The following ITPR1 variants were observed in gnomAD, a reference collection of about 807,000 sequenced individuals.
ITPR1 encodes inositol 1,4,5-trisphosphate-gated calcium channel ITPR1.
A neutral mutation model predicts 318.4 loss-of-function variants in ITPR1; 96 were observed. That is an observed-to-expected ratio of 0.30 (90% CI 0.26 to 0.36). ITPR1 has a LOEUF of 0.36. Among genes scored for constraint, ITPR1 ranks in the 10% least tolerant of loss-of-function variants. The pLI is 1.00. For missense variants in ITPR1, 2,440 were observed against 3,460.2 expected (o/e 0.71, Z 7.40); for synonymous variants, 1,312 against 1,289.9 (o/e 1.02, Z -0.37).
chr3:4,711,963 TGA>T, intron 39 of ITPR1, 95 bp downstream of exon 39: 1 of 547,222 alleles, frequency 1.8e-6, no homozygotes, highest in Non-Finnish European at 3.2e-6. Context: ...CATTACTGAC[TGA>T]GGGGCTAGCT....
chr3:4,702,694 G>C, intron 35 of ITPR1, 136 bp from the exon 36 acceptor site: 1 of 918,080 alleles, frequency 1.1e-6, no homozygotes, highest in Non-Finnish European at 1.7e-6. Context: ...CTTGCCTCAG[G>C]GTCCATTAAC....
chr3:4,732,908 G>A (rs555972189), intron 42 of ITPR1, among the ~76,000 whole-genome samples, 180 bp from the exon 43 acceptor site: 7 of 152,266 alleles, frequency 4.6e-5, no homozygotes, highest in African/African-American at 1.7e-4. Context: ...AAAACATCTG[G>A]TTTTCTGAGA....
At chr3:4,496,969 G>A (rs2080631503) in intron 2 of ITPR1, among the ~76,000 whole-genome samples, 1 of 152,146 alleles carries the variant, frequency 6.6e-6, no homozygotes, top group African/African-American at 2.4e-5. Context: ...TCTCCACAGG[G>A]CCAGTGTCTA....
chr3:4,578,378 C>T (rs963833575), intron 4 of ITPR1, among the ~76,000 whole-genome samples: 5 of 151,902 alleles, frequency 3.3e-5, no homozygotes, highest in African/African-American at 7.3e-5. Context: ...TTCGGTTTGA[C>T]CTGATGGATT....
At chr3:4,713,699 C>G (rs2041550614) in intron 39 of ITPR1, among the ~76,000 whole-genome samples, 2 of 152,194 alleles carry the variant, frequency 1.3e-5, no homozygotes. Context: ...AAGGAGATCA[C>G]TTGGAAAGAG....
At chr3:4,783,464 G>A (rs1437134380) in intron 50 of ITPR1, among the ~76,000 whole-genome samples, 2 of 152,102 alleles carry the variant, frequency 1.3e-5, no homozygotes, top group African/African-American at 4.8e-5. Flanking sequence ...ACAGTCTCCT[G>A]CCTCTTTTCC....
intron 40 of ITPR1, among the ~76,000 whole-genome samples, chr3:4,723,218 C>T (rs559774058): frequency 6.6e-6 from 1 of 152,266 alleles, no homozygotes; most frequent in East Asian, 1.9e-4. Context: ...AGTGGATGCC[C>T]AGAGAGGTTC....
chr3:4,827,218 C>T (rs1306812426), intron 60 of ITPR1, among the ~76,000 whole-genome samples: 1 of 152,196 alleles, frequency 6.6e-6, no homozygotes, highest in Non-Finnish European at 1.5e-5. Context: ...CACCGTGCTG[C>T]CCGGCTTGCC....
At chr3:4,527,911 T>G (rs777282445) in intron 4 of ITPR1, among the ~76,000 whole-genome samples, 1 of 152,136 alleles carries the variant, frequency 6.6e-6, no homozygotes, top group Non-Finnish European at 1.5e-5. Flanking sequence ...GAGAAGGGTT[T>G]TACATCTCAT....
Position 4,755,619 on chromosome 3 carries a change from TC to T in ITPR1, c.5545-10907del, listed in dbSNP as rs1374488414. 2.0e-5 allele frequency among the ~76,000 whole-genome samples: 3 copies of T among 152,238 alleles called. No individual in the cohort carries two copies. In the East Asian group the frequency reaches 5.8e-4, roughly 29 times the overall value. ...TTCACCTTGAAAATCATCATGAAGA[TC>T]CCCTGCCTTGGCCTTGACCCTGGAG... On this transcript the variant is annotated intron_variant, in intron 44 of 61. Transcript: ENST00000649015.
chr3:4,730,402 TG>T lies in ITPR1; in HGVS notation c.5221-2685del, dbSNP rs1559788472. Reference sequence around the variant, plus strand: ...GTGTGTGTGTGTGTGTGTGTGTGTGTGTGTGTGTGTGTGTGTGTTTCCCCCA... The same window carrying T: ...GTGTGTGTGTGTGTGTGTGTGTGTGTTGTGTGTGTGTGTGTGTTTCCCCCA... On this transcript the variant is annotated intron_variant, in intron 42 of 61. Coordinates refer to ENST00000649015, the MANE Select transcript of ITPR1 (RefSeq NM_001378452.1). 4.6e-3 allele frequency among the ~76,000 whole-genome samples: 671 copies of T among 147,014 alleles called. 8 individuals carry two copies. Among genetic ancestry groups the T allele is most frequent in the African/African-American group, 0.015 (610 of 40,356 alleles).
At chr3:4,519,243 C>A (rs1006856859) in intron 3 of ITPR1, among the ~76,000 whole-genome samples, 3 of 149,448 alleles carry the variant, frequency 2.0e-5, no homozygotes, top group African/African-American at 7.4e-5. Context: ...TTTTTTTTTT[C>A]TTGAGATGGA....
In ITPR1 at chr3:4,572,528, TTTTA is replaced by T. The variant is rs549323632; in HGVS notation, c.163+51439_163+51442del. ...TCTGGCTAATTAGGATGCTTCATAT[TTTTA>T]TTTACTAATATCACAAGCATAATAG... On this transcript the variant is annotated intron_variant, in intron 4 of 61. Transcript: ENST00000649015. Among the ~76,000 whole-genome samples, 204 of 152,354 alleles carry T rather than the reference TTTTA, an allele frequency of 1.3e-3. No individual in the cohort carries two copies. The Middle Eastern group carries it at 0.014, about 10-fold the overall frequency.
At chr3:4,579,977 G>C (rs767254514) in intron 4 of ITPR1, among the ~76,000 whole-genome samples, 3 of 152,150 alleles carry the variant, frequency 2.0e-5, no homozygotes, top group African/African-American at 7.2e-5. Flanking sequence ...TTGGGAGGCC[G>C]AGACGGGTGG....
chr3:4,657,613 G>A (rs566502308), intron 12 of ITPR1, among the ~76,000 whole-genome samples: 26 of 151,924 alleles, frequency 1.7e-4, no homozygotes, highest in African/African-American at 5.8e-4. Flanking sequence ...GATTACAGGC[G>A]CCTGCCACCA....
chr3:4,792,222 C>T (rs981761696), intron 52 of ITPR1, among the ~76,000 whole-genome samples: 3 of 152,168 alleles, frequency 2.0e-5, no homozygotes, highest in African/African-American at 7.2e-5. Context: ...AGACAACCTC[C>T]CCACCTCACA....
chr3:4,759,160 C>T (rs759940390), intron 44 of ITPR1, among the ~76,000 whole-genome samples: 17 of 152,228 alleles, frequency 1.1e-4, no homozygotes, highest in Non-Finnish European at 2.4e-4. Context: ...CCCCTAACCT[C>T]GGGGTGGCTC....
chr3:4,515,132 G>T (rs1484642265), intron 2 of ITPR1, among the ~76,000 whole-genome samples: 2 of 152,186 alleles, frequency 1.3e-5, no homozygotes, highest in Non-Finnish European at 2.9e-5. Flanking sequence ...GAGGGAAGGG[G>T]ATGACAAATC....
chr3:4,588,558 G>A (rs992382870), intron 4 of ITPR1, among the ~76,000 whole-genome samples: 9 of 151,706 alleles, frequency 5.9e-5, no homozygotes, highest in Admixed American at 3.3e-4. Flanking sequence ...CCCGGGCTTC[G>A]GCCTTGGCTC....
Sources: allele counts gnomAD v4.1 joint callset (sites outside exome capture counted in the v4.1 genomes callset), GRCh38; gene constraint gnomAD v4.1.1; transcripts MANE v1.5; gene names NCBI Gene and HGNC (gene_info 2026-07-23, HGNC 2026-07-21).